Variants in GNAQ observed in about 807,000 individuals in gnomAD.
GNAQ encodes G protein subunit alpha q.
In GNAQ, 8 loss-of-function variants were observed where a neutral mutation model predicts 43.9. That is an observed-to-expected ratio of 0.18 (90% CI 0.11 to 0.33). GNAQ has a LOEUF of 0.33. GNAQ is among the 10% of genes least tolerant of loss of function. The probability of loss-of-function intolerance (pLI) is 1.00; values close to 1 mark genes in which losing one functional copy is unlikely to be tolerated. For synonymous variants in GNAQ, 155 were observed against 170.7 expected (o/e 0.91, Z 0.71); for missense variants, 158 against 450.8 (o/e 0.35, Z 5.88).
At chr9:77,981,804 A>G (rs1159431775) in intron 1 of GNAQ, among the ~76,000 whole-genome samples, 1 of 152,192 alleles carries the variant, frequency 6.6e-6, no homozygotes, top group East Asian at 1.9e-4. Flanking sequence ...ATATAGAATA[A>G]AAACTAGAAA....
In GNAQ at chr9:77,880,154, G is replaced by T. The variant is rs1428078970; in HGVS notation, c.321+42007C>A. Among the ~76,000 whole-genome samples the T allele has an allele frequency of 3.3e-5, 5 of 152,176 alleles. No homozygotes were observed. In the East Asian group the frequency reaches 7.7e-4, roughly 23 times the overall value. ...TGATGGCAATACCGTGGCCCCAGGA[G>T]GGACCTGCTGTGAGAAGCAGCTGAA... On this transcript the variant is annotated intron_variant, in intron 2 of 6. Coordinates refer to ENST00000286548, the MANE Select transcript of GNAQ (RefSeq NM_002072.5).
In GNAQ at chr9:77,880,383, C is replaced by T. The variant is rs11145602; in HGVS notation, c.321+41778G>A. On this transcript the variant is annotated intron_variant, in intron 2 of 6. Coordinates refer to ENST00000286548, the MANE Select transcript of GNAQ (RefSeq NM_002072.5). ...ATCTTGGTGGACCGTATTTTCTTTT[C>T]TTTTTTAGAAACAGAGTCTCACTCT... Among the ~76,000 whole-genome samples the T allele has an allele frequency of 1.4e-3, 206 of 151,998 alleles. 3 individuals carry two copies. In the East Asian group the frequency reaches 0.035, roughly 26 times the overall value.
chr9:77,814,399 C>G (rs937986771), intron 3 of GNAQ, among the ~76,000 whole-genome samples: 1 of 152,090 alleles, frequency 6.6e-6, no homozygotes, highest in Admixed American at 6.5e-5. Context: ...AGAAAGCACA[C>G]ATTTCAGAGG....
chr9:77,839,769 C>T (rs1033175398), intron 2 of GNAQ, among the ~76,000 whole-genome samples: 7 of 152,214 alleles, frequency 4.6e-5, no homozygotes, highest in South Asian at 2.1e-4. Context: ...TGGGTGGAAG[C>T]TTTCTATTTA....
chr9:78,028,543 G>C (rs764621172), intron 1 of GNAQ, among the ~76,000 whole-genome samples: 1 of 152,128 alleles, frequency 6.6e-6, no homozygotes, highest in Non-Finnish European at 1.5e-5. Flanking sequence ...CATTAAAATG[G>C]TATCAAGCCT....
At chr9:77,943,391 C>T (rs1462664897) in intron 1 of GNAQ, among the ~76,000 whole-genome samples, 2 of 152,176 alleles carry the variant, frequency 1.3e-5, no homozygotes, top group African/African-American at 2.4e-5. Flanking sequence ...GCAAATGTAA[C>T]ATGACACGGG....
intron 3 of GNAQ, among the ~76,000 whole-genome samples, chr9:77,810,240 ATCTATCTATCTATC>A (rs1826899054): frequency 6.6e-6 from 1 of 151,320 alleles, no homozygotes; most frequent in African/African-American, 2.4e-5. Flanking sequence ...CTATCTATCT[ATCTATCTATCTATC>A]TATCTATCTA....
intron 1 of GNAQ, among the ~76,000 whole-genome samples, chr9:77,977,639 T>G (rs898896441): frequency 1.3e-5 from 2 of 152,182 alleles, no homozygotes; most frequent in African/African-American, 4.8e-5. Flanking sequence ...GGCCATGGCA[T>G]CCCAGAACAA....
chr9:77,760,934 C>A (rs1469797640), intron 5 of GNAQ, among the ~76,000 whole-genome samples: 1 of 151,000 alleles, frequency 6.6e-6, no homozygotes, highest in Admixed American at 6.6e-5. Context: ...CTCTGCCCAG[C>A]CGCCCCATCT....
intron 2 of GNAQ, among the ~76,000 whole-genome samples, chr9:77,855,081 A>G (rs148867376): frequency 3.5e-4 from 53 of 152,296 alleles, no homozygotes; most frequent in African/African-American, 1.3e-3. Context: ...AGTGTGCCCT[A>G]GTGTGCCCTT....
chr9:77,872,097 TGTTG>T (rs1312471044), intron 2 of GNAQ, among the ~76,000 whole-genome samples: 3 of 152,232 alleles, frequency 2.0e-5, no homozygotes, highest in African/African-American at 4.8e-5. Flanking sequence ...ATCATTTGTT[TGTTG>T]AATTCTTATA....
chr9:78,016,887 T>C (rs1823845985), intron 1 of GNAQ, among the ~76,000 whole-genome samples: 2 of 152,162 alleles, frequency 1.3e-5, no homozygotes, highest in African/African-American at 4.8e-5. Flanking sequence ...CAAAGACATG[T>C]CTTTTTTTTA....
chr9:78,021,700 G>A (rs2118605638), intron 1 of GNAQ, among the ~76,000 whole-genome samples: 1 of 152,220 alleles, frequency 6.6e-6, no homozygotes, highest in East Asian at 1.9e-4. Context: ...TGGCAGAGAT[G>A]GGCTTGGGCA....
rs545575616 is a variant in GNAQ at position 78,021,045 on chromosome 9, C to CTTTTTT, written c.136+10049_136+10054dup. On this transcript the variant is annotated intron_variant, in intron 1 of 6. Transcript: ENST00000286548. ...TGCAAACGAGGAACACAGGAAGCTG[C>CTTTTTT]TTTTTTTTTTTTTTTTTTTTTTGAG... 3.7e-4 allele frequency among the ~76,000 whole-genome samples: 42 copies of CTTTTTT among 112,184 alleles called. 1 individual carries two copies. Among genetic ancestry groups the CTTTTTT allele is most frequent in the East Asian group, 8.3e-4 (3 of 3,610 alleles). 73.6% of individuals were successfully genotyped at this position (112,184 alleles called of 152,430 possible).
At position 77,717,128 on chromosome 9, in the gene GNAQ, C is replaced by T. The variant is rs2118175446; in HGVS notation, c.*4195G>A. On this transcript the variant is annotated 3_prime_UTR_variant, in exon 7 of 7. Transcript: ENST00000286548. ...AGTTACCAGGACAGATCTATTAACG[C>T]TACATATGCTGGAAATATGTAGAGA... 8.6e-6 allele frequency: 2 copies of T among 232,404 alleles called. No homozygotes were observed. Among genetic ancestry groups the T allele is most frequent in the Admixed American group, 1.1e-4 (2 of 17,784 alleles). 14.4% of individuals were successfully genotyped at this position (232,404 alleles called of 1,614,324 possible).
At chr9:77,941,478 T>G (rs921085562) in intron 1 of GNAQ, among the ~76,000 whole-genome samples, 1 of 152,102 alleles carries the variant, frequency 6.6e-6, no homozygotes, top group Non-Finnish European at 1.5e-5. Flanking sequence ...CTCGATCTCC[T>G]GACCTCATGA....
In GNAQ at chr9:77,903,129, A is replaced by G. The variant is rs1828639309; in HGVS notation, c.321+19032T>C. On this transcript the variant is annotated intron_variant, in intron 2 of 6. Transcript: ENST00000286548. The stretch of plus-strand genomic sequence containing the variant: ...GAGCTCATGAGCAACACAGGTCGTT[A>G]GAAGAGGTCAGCCCAGAATGGCAGG... 2.0e-5 allele frequency among the ~76,000 whole-genome samples: 3 copies of G among 152,140 alleles called. No homozygotes were observed. In the South Asian group the frequency reaches 6.2e-4, roughly 32 times the overall value.
intron 5 of GNAQ, among the ~76,000 whole-genome samples, chr9:77,761,285 C>T (rs1186627716): frequency 3.5e-5 from 4 of 115,608 alleles, no homozygotes; most frequent in South Asian, 2.8e-4. Flanking sequence ...GGGGGGTCAG[C>T]CCCCCGCCTG....
At chr9:77,753,705 C>T (rs149553261) in intron 5 of GNAQ, among the ~76,000 whole-genome samples, 4 of 152,244 alleles carry the variant, frequency 2.6e-5, no homozygotes, top group East Asian at 1.9e-4. Context: ...AGAGAGGTCT[C>T]GAAATACTAA....
Sources: allele counts gnomAD v4.1 joint callset (sites outside exome capture counted in the v4.1 genomes callset), GRCh38; gene constraint gnomAD v4.1.1; transcripts MANE v1.5; gene names NCBI Gene and HGNC (gene_info 2026-07-23, HGNC 2026-07-21).